The following IBSP variants were observed in gnomAD, a reference collection of about 807,000 sequenced individuals.
IBSP encodes integrin-binding sialoprotein.
IBSP carries 19 observed loss-of-function variants against 25.5 expected under a neutral mutation model. The ratio of observed to expected loss-of-function variants is 0.74; its 90% confidence interval spans 0.52 to 1.09. The LOEUF (loss-of-function observed/expected upper bound fraction) is 1.09. Among genes scored for constraint, IBSP ranks in the 50% least tolerant of loss-of-function variants. The probability of loss-of-function intolerance (pLI) is 0.00; values close to 1 mark genes in which losing one functional copy is unlikely to be tolerated. For synonymous variants in IBSP, 144 were observed against 137.6 expected (o/e 1.05, Z -0.33); for missense variants, 360 against 382.3 (o/e 0.94, Z 0.49).
chr4:87,810,608 G>A lies in IBSP; in HGVS notation c.249G>A (p.Glu83=). ...CTTACTATGAATATTTTTAACAGGA[G>A]ACTTCAAATGAAGGAGAAAACAATG... The part of the protein sequence containing the change: ...DSSEEEEEEE[E]TSNEGENNEE... The change falls in exon 6 of 7, where the codon GAG becomes GAA. Residue 83 remains glutamate, a splice_region_variant and synonymous_variant. Transcript: ENST00000226284. 6.2e-7 allele frequency: 1 copy of A among 1,606,308 alleles called. No homozygotes were observed. The highest frequency in any genetic ancestry group is 8.5e-7 in the Non-Finnish European group (1 of 1,173,378).
At chr4:87,807,026 CA>C (rs925463126) in intron 5 of IBSP, among the ~76,000 whole-genome samples, 2 of 151,194 alleles carry the variant, frequency 1.3e-5, no homozygotes, top group Admixed American at 1.3e-4. Context: ...ACAAAAACAA[CA>C]AAAAAAAATC....
At chr4:87,808,238 G>C (rs1052749043) in intron 5 of IBSP, among the ~76,000 whole-genome samples, 1 of 150,512 alleles carries the variant, frequency 6.6e-6, no homozygotes, top group Non-Finnish European at 1.5e-5. Context: ...CTGGAGTTCA[G>C]TGGCTTAATC....
intron 5 of IBSP, among the ~76,000 whole-genome samples, chr4:87,808,593 G>T (rs987224686): frequency 3.9e-5 from 6 of 152,160 alleles, no homozygotes; most frequent in African/African-American, 1.4e-4. Flanking sequence ...TCAAAAAGCA[G>T]TGCGTGCCTT....
intron 5 of IBSP, among the ~76,000 whole-genome samples, chr4:87,807,122 A>G (rs887624661): frequency 7.9e-5 from 12 of 152,322 alleles, no homozygotes; most frequent in African/African-American, 2.9e-4. Flanking sequence ...GTCCTGGGCT[A>G]AGAATCATCT....
rs1722035297 is a variant in IBSP, at chr4:87,802,522, T to A, written c.69T>A (p.His23Gln). Reference protein sequence around the residue: ...MACAFSMKNLHRRVKIEDSEE... With the variant: ...MACAFSMKNLQRRVKIEDSEE... ...CTTTAAAACAGATGAAAAATTTGCA[T>A]CGAAGAGTCAAAATAGAGGATTCTG... The change falls in exon 3 of 7, where the codon CAT becomes CAA. Residue 23 changes from histidine (H) to glutamine (Q), a missense_variant. By Grantham distance (24) the His-to-Gln change is conservative. Transcript: ENST00000226284. 1 of 1,606,284 alleles carries A rather than the reference T, an allele frequency of 6.2e-7. No homozygotes were observed. Among genetic ancestry groups the A allele is most frequent in the African/African-American group, 1.3e-5 (1 of 74,632 alleles).
chr4:87,804,709 G>A lies in IBSP; in HGVS notation c.184-1413G>A, dbSNP rs887980859. Among the ~76,000 whole-genome samples the A allele has an allele frequency of 5.3e-5, 8 of 152,266 alleles. No homozygotes were observed. In the Middle Eastern group the frequency reaches 0.01, roughly 194 times the overall value. Reference sequence around the variant, plus strand: ...ATCAATTGGACTTAGCAACAAATTGGTAATAATGCATAAATGAAAGATAGG... The same window carrying A: ...ATCAATTGGACTTAGCAACAAATTGATAATAATGCATAAATGAAAGATAGG... On this transcript the variant is annotated intron_variant, in intron 4 of 6. Coordinates refer to ENST00000226284, the MANE Select transcript of IBSP (RefSeq NM_004967.4).
At position 87,802,286 on chromosome 4, in the gene IBSP, A is replaced by G. The variant is rs185702974; in HGVS notation, c.-14-62A>G. ...ATTAAATACTTCATCTTTGAATATG[A>G]GTAAAAAAGTTATGCTCTTAGTTTT... On this transcript the variant is annotated intron_variant, in intron 1 of 6. Coordinates refer to ENST00000226284, the MANE Select transcript of IBSP (RefSeq NM_004967.4). The G allele has an allele frequency of 3.4e-5, 32 of 950,834 alleles. No homozygotes were observed. The Middle Eastern group carries it at 1.2e-3, about 34-fold the overall frequency. The allele number at this position is 950,834 out of a possible 1,614,324, so 58.9% of individuals were successfully genotyped here. A position where few individuals can be genotyped will look rare whatever the true frequency, so the allele number is the denominator to read the frequency against.
chr4:87,803,826 A>G (rs1722055993), intron 4 of IBSP, among the ~76,000 whole-genome samples: 2 of 152,178 alleles, frequency 1.3e-5, no homozygotes, highest in African/African-American at 4.8e-5. Context: ...CCATAAATAA[A>G]CAGTGCTCAT....
rs1578044044 is a variant in IBSP, at chr4:87,808,299, A to T, written c.246+2115A>T. Among the ~76,000 whole-genome samples the T allele has an allele frequency of 2.0e-5, 3 of 151,858 alleles. No homozygotes were observed. In the East Asian group the frequency reaches 5.8e-4, roughly 29 times the overall value. ...CAGGTTCACGCCATTCTCCTGCCTC[A>T]GCCTCCCAAGTAGCTGGGACTACAG... On this transcript the variant is annotated intron_variant, in intron 5 of 6. Transcript: ENST00000226284.
chr4:87,806,269 C>T (rs1405042615), intron 5 of IBSP, 85 bp downstream of exon 5: 1 of 986,196 alleles, frequency 1.0e-6, no homozygotes, highest in African/African-American at 1.7e-5. Context: ...CTGGACTCAG[C>T]AAATAGCCAT....
chr4:87,810,955 A>G (rs1722161688), intron 6 of IBSP, among the ~76,000 whole-genome samples, 191 bp downstream of exon 6: 1 of 152,192 alleles, frequency 6.6e-6, no homozygotes, highest in Admixed American at 6.5e-5. Context: ...ATAAGAAAAT[A>G]TCTTCTCCCA....
At chr4:87,802,802 T>C in intron 4 of IBSP, 71 bp downstream of exon 4, 3 of 950,134 alleles carry the variant, frequency 3.2e-6, no homozygotes, top group Non-Finnish European at 3.0e-6. Flanking sequence ...ATTTTAACTA[T>C]AAAACACCTA....
Position 87,800,405 on chromosome 4 carries a change from C to A in IBSP, c.-15+772C>A, listed in dbSNP as rs1424437188. Among the ~76,000 whole-genome samples, 4 of 152,088 alleles carry A rather than the reference C, an allele frequency of 2.6e-5. 1 individual carries two copies. The highest frequency in any genetic ancestry group is 2.6e-4 in the Admixed American group (4 of 15,250). ...GAAATTTGTGTAATCAAAACTATTT[C>A]TATAATTCTATGTATCTAAGCTTTT... On this transcript the variant is annotated intron_variant, in intron 1 of 6. Transcript: ENST00000226284.
At chr4:87,802,479 A>T (rs749607763) in intron 2 of IBSP, 29 bp from the exon 3 acceptor site, 1 of 1,593,114 alleles carries the variant, frequency 6.3e-7, no homozygotes, top group Non-Finnish European at 8.5e-7. Context: ...AAGAAAAATT[A>T]TGCAATAATT....
rs374139591 is a variant in IBSP, at chr4:87,807,683, G to A, written c.246+1499G>A. Among the ~76,000 whole-genome samples, 6 of 152,304 alleles carry A rather than the reference G, an allele frequency of 3.9e-5. No homozygotes were observed. In the East Asian group the frequency reaches 1.2e-3, roughly 29 times the overall value. Reference sequence around the variant, plus strand: ...GTTGTTGTGGTGGTTGAGGACTGAGGAAGACTAGGACTTCTTTGGGGACTC... The same window carrying A: ...GTTGTTGTGGTGGTTGAGGACTGAGAAAGACTAGGACTTCTTTGGGGACTC... On this transcript the variant is annotated intron_variant, in intron 5 of 6. Transcript: ENST00000226284.
At chr4:87,806,717 A>T (rs1300982201) in intron 5 of IBSP, among the ~76,000 whole-genome samples, 1 of 152,118 alleles carries the variant, frequency 6.6e-6, no homozygotes, top group African/African-American at 2.4e-5. Context: ...TTTTAAAAAA[A>T]TTTCAGGCTT....
rs1201087453 is a variant in IBSP, at chr4:87,810,728, G to C, written c.369G>C (p.Gly123=). The part of the protein sequence containing the change: ...GYGEDATPGT[G]YTGLAAIQLP... ...GAGAGGACGCCACGCCTGGCACAGGGTATACAGGGTTAGCTGCAATCCAGC... is the reference window on the plus strand; with the variant it reads ...GAGAGGACGCCACGCCTGGCACAGGCTATACAGGGTTAGCTGCAATCCAGC... Residue 123 remains glycine, a synonymous_variant, in exon 6 of 7, where the codon GGG becomes GGC. Coordinates refer to ENST00000226284, the MANE Select transcript of IBSP (RefSeq NM_004967.4). 6.8e-6 allele frequency: 11 copies of C among 1,613,742 alleles called. No homozygotes were observed. The Admixed American group carries it at 1.7e-4, about 24-fold the overall frequency.
rs767224591 is a variant in IBSP at position 87,802,698 on chromosome 4, C to T, written c.150C>T (p.Tyr50=). The T allele has an allele frequency of 1.9e-6, 3 of 1,559,572 alleles. No homozygotes were observed. The highest frequency in any genetic ancestry group is 1.4e-5 in the African/African-American group (1 of 72,012). The part of the protein sequence containing the change: ...RPRYYLYKHA[Y]FYPHLKRFPV... The stretch of plus-strand genomic sequence containing the variant: ...GATATTATCTTTACAAGCATGCCTA[C>T]TTTTATCCTCATTTAAAACGATTTC... The change falls in exon 4 of 7, where the codon TAC becomes TAT. Residue 50 remains tyrosine, a synonymous_variant. Coordinates refer to ENST00000226284, the MANE Select transcript of IBSP (RefSeq NM_004967.4).
intron 5 of IBSP, among the ~76,000 whole-genome samples, chr4:87,807,661 G>A (rs1454452027): frequency 6.6e-6 from 1 of 152,198 alleles, no homozygotes; most frequent in Non-Finnish European, 1.5e-5. Context: ...TTCGTTTGTT[G>A]TTGTGGTGGT....
Sources: gnomAD v4.1 joint callset for allele counts (sites outside exome capture counted in the v4.1 genomes callset) on GRCh38, gnomAD v4.1.1 for gene constraint, MANE v1.5 for transcripts, NCBI Gene and HGNC (gene_info 2026-07-23, HGNC 2026-07-21) for gene names.